FAF2: variants seen among roughly 807,000 people sequenced by gnomAD.
FAF2 encodes the protein Fas associated factor family member 2, also known as FAS-associated factor 2.
In FAF2, 9 loss-of-function variants were observed where a neutral mutation model predicts 62.3. That is an observed-to-expected ratio of 0.14 (90% CI 0.09 to 0.25). The LOEUF (loss-of-function observed/expected upper bound fraction) is 0.25, where lower values mean the gene tolerates loss of function less well. FAF2 is among the 10% of genes least tolerant of loss of function. The probability of loss-of-function intolerance (pLI) is 1.00; values close to 1 mark genes in which losing one functional copy is unlikely to be tolerated. For synonymous variants in FAF2, 202 were observed against 198.0 expected (o/e 1.02, Z -0.17); for missense variants, 368 against 556.2 (o/e 0.66, Z 3.40).
chr5:176,506,250 A>T (rs2113750837), intron 10 of FAF2, among the ~76,000 whole-genome samples: 1 of 152,082 alleles, frequency 6.6e-6, no homozygotes, highest in African/African-American at 2.4e-5. Context: ...ATAAAAGATA[A>T]TTGGCAAAAC....
chr5:176,461,163 A>G lies in FAF2; in HGVS notation c.63+12693A>G, dbSNP rs142508234. Among the ~76,000 whole-genome samples, 117 of 151,828 alleles carry G rather than the reference A, an allele frequency of 7.7e-4. No homozygotes were observed. The East Asian group carries it at 0.02, about 26-fold the overall frequency. On this transcript the variant is annotated intron_variant, in intron 1 of 10. Transcript: ENST00000261942. Reference sequence around the variant, plus strand: ...TGAGTAGCTGGGATTACAGGCGCATACTAACATGCCCAGCTAATTTTTGTA... The same window carrying G: ...TGAGTAGCTGGGATTACAGGCGCATGCTAACATGCCCAGCTAATTTTTGTA...
intron 10 of FAF2, among the ~76,000 whole-genome samples, chr5:176,504,927 GC>G (rs1170111936): frequency 2.0e-5 from 3 of 151,924 alleles, no homozygotes; most frequent in Admixed American, 6.6e-5. Flanking sequence ...GGAGGCTGAG[GC>G]AGGAGGATTG....
At chr5:176,477,719 A>C (rs1031911211) in intron 1 of FAF2, among the ~76,000 whole-genome samples, 7 of 152,152 alleles carry the variant, frequency 4.6e-5, no homozygotes, top group African/African-American at 1.7e-4. Context: ...ATTTTGTTTC[A>C]TTTTTTTAAG....
At chr5:176,463,440 T>C (rs1290693857) in intron 1 of FAF2, among the ~76,000 whole-genome samples, 1 of 152,064 alleles carries the variant, frequency 6.6e-6, no homozygotes. Flanking sequence ...CAAAATCTAA[T>C]TGTATTACTT....
At chr5:176,484,417 C>T (rs892893435) in intron 2 of FAF2, among the ~76,000 whole-genome samples, 1 of 152,226 alleles carries the variant, frequency 6.6e-6, no homozygotes, top group Non-Finnish European at 1.5e-5. Flanking sequence ...CGTCTCCATA[C>T]TGTATACAAG....
intron 8 of FAF2, 62 bp from the exon 9 acceptor site, chr5:176,498,852 A>T (rs1755543099): frequency 2.1e-6 from 3 of 1,423,452 alleles, no homozygotes; most frequent in Non-Finnish European, 2.8e-6. Flanking sequence ...ATTTCAATAT[A>T]AGAAAACACA....
At chr5:176,505,191 G>A (rs890011967) in intron 10 of FAF2, among the ~76,000 whole-genome samples, 31 of 152,252 alleles carry the variant, frequency 2.0e-4, no homozygotes, top group African/African-American at 7.5e-4. Context: ...TGGTATGTTC[G>A]TCATCTTTGG....
chr5:176,497,956 C>T (rs997120526), intron 8 of FAF2, among the ~76,000 whole-genome samples: 8 of 152,070 alleles, frequency 5.3e-5, no homozygotes, highest in African/African-American at 1.9e-4. Flanking sequence ...TTGAGGTCAG[C>T]CCGGGCAACA....
intron 1 of FAF2, among the ~76,000 whole-genome samples, chr5:176,464,927 GC>G (rs1160881466): frequency 6.6e-6 from 1 of 151,888 alleles, no homozygotes; most frequent in Non-Finnish European, 1.5e-5. Flanking sequence ...TCGCTGTATC[GC>G]CCCGGCTAGA....
rs142246015 is a variant in FAF2 at position 176,488,995 on chromosome 5, G to T, written c.312G>T (p.Arg104=). 2.5e-6 allele frequency: 4 copies of T among 1,613,814 alleles called. No individual in the cohort carries two copies. In the African/African-American group the frequency reaches 5.3e-5, roughly 22 times the overall value. ...WGYYLIMLPF[R]FTYYTILDIF... ...ATTACTTGATAATGCTTCCATTCCGGTTTACCTATTACACGATACTTGATA... is the reference window on the plus strand; with the variant it reads ...ATTACTTGATAATGCTTCCATTCCGTTTTACCTATTACACGATACTTGATA... The change falls in exon 4 of 11, where the codon CGG becomes CGT. Residue 104 remains arginine (R), a synonymous_variant. Transcript: ENST00000261942.
chr5:176,507,778 G>A lies in FAF2; in HGVS notation c.*828G>A, dbSNP rs1755710092. The A allele has an allele frequency of 6.5e-6, 1 of 152,958 alleles. No individual in the cohort carries two copies. Among genetic ancestry groups the A allele is most frequent in the African/African-American group, 2.4e-5 (1 of 41,462 alleles). 9.5% of individuals were successfully genotyped at this position (152,958 alleles called of 1,614,324 possible). ...TTGTGGCCCCACAAAGGCTGTATAT[G>A]TAAAGATACACCTATGTATGTGGTG... On this transcript the variant is annotated 3_prime_UTR_variant, in exon 11 of 11. Coordinates refer to ENST00000261942, the MANE Select transcript of FAF2 (RefSeq NM_014613.3).
intron 1 of FAF2, among the ~76,000 whole-genome samples, chr5:176,458,489 AACCTCCCAAGTTCAAGCGATTG>A (rs1758319254): frequency 8.1e-6 from 1 of 123,462 alleles, no homozygotes; most frequent in African/African-American, 3.1e-5. Context: ...GGCTCACTGC[AACCTCCCAAGTTCAAGCGATTG>A]TCCTGCCTCA....
At chr5:176,485,584 A>AT (rs1758862002) in intron 2 of FAF2, among the ~76,000 whole-genome samples, 1 of 152,184 alleles carries the variant, frequency 6.6e-6, no homozygotes, top group Non-Finnish European at 1.5e-5. Context: ...GAGGGAATGA[A>AT]TTTTTTAAAC....
intron 7 of FAF2, among the ~76,000 whole-genome samples, chr5:176,495,201 A>G (rs985471486): frequency 2.6e-5 from 4 of 152,190 alleles, no homozygotes; most frequent in African/African-American, 7.2e-5. Context: ...GGCTACTTCT[A>G]TCCAGCAACT....
chr5:176,464,653 C>T (rs1196310862), intron 1 of FAF2, among the ~76,000 whole-genome samples: 3 of 151,586 alleles, frequency 2.0e-5, no homozygotes, highest in African/African-American at 4.8e-5. Context: ...CCACCATGCC[C>T]GGCTAATGTT....
intron 4 of FAF2, among the ~76,000 whole-genome samples, chr5:176,491,209 T>C (rs1758966227): frequency 6.6e-6 from 1 of 152,240 alleles, no homozygotes; most frequent in Non-Finnish European, 1.5e-5. Flanking sequence ...TTAATGCAGC[T>C]GTATCATCCA....
intron 2 of FAF2, among the ~76,000 whole-genome samples, chr5:176,485,892 C>G (rs1403833067): frequency 6.6e-6 from 1 of 152,072 alleles, no homozygotes; most frequent in Non-Finnish European, 1.5e-5. Flanking sequence ...CATTGAGCAA[C>G]TTTTCAGAGA....
rs912504975 is a variant in FAF2 at position 176,480,262 on chromosome 5, G to A, written c.132+1006G>A. Among the ~76,000 whole-genome samples the A allele has an allele frequency of 6.7e-5, 10 of 149,952 alleles. No homozygotes were observed. In the East Asian group the frequency reaches 9.8e-4, roughly 15 times the overall value. On this transcript the variant is annotated intron_variant, in intron 2 of 10. Coordinates refer to ENST00000261942, the MANE Select transcript of FAF2 (RefSeq NM_014613.3). ...AATTATTATATGCTATTTTAAAAGGGTGCTGGATTCCTAAAAACGTGTTCC... is the reference window on the plus strand; with the variant it reads ...AATTATTATATGCTATTTTAAAAGGATGCTGGATTCCTAAAAACGTGTTCC...
In FAF2 at chr5:176,452,643, G is replaced by C. The variant is rs138013459; in HGVS notation, c.63+4173G>C. Reference sequence around the variant, plus strand: ...CAGAATATTCAAAGCTAAAGAAATAGCTTGCACAAGGTAGGGAGATGGGAA... The same window carrying C: ...CAGAATATTCAAAGCTAAAGAAATACCTTGCACAAGGTAGGGAGATGGGAA... On this transcript the variant is annotated intron_variant, in intron 1 of 10. Transcript: ENST00000261942. Among the ~76,000 whole-genome samples, 17 of 152,340 alleles carry C rather than the reference G, an allele frequency of 1.1e-4. No homozygotes were observed. The East Asian group carries it at 3.3e-3, about 29-fold the overall frequency.
Sources: allele counts gnomAD v4.1 joint callset (sites outside exome capture counted in the v4.1 genomes callset), GRCh38; gene constraint gnomAD v4.1.1; transcripts MANE v1.5; gene names NCBI Gene and HGNC (gene_info 2026-07-23, HGNC 2026-07-21).